FAT3: variants seen among roughly 807,000 people sequenced by gnomAD.
FAT3 encodes the protein FAT atypical cadherin 3.
Under a neutral mutation model 310.2 loss-of-function variants are expected in FAT3, and 95 were observed. The observed-to-expected ratio is 0.31, with a 90% CI of 0.26 to 0.36. The LOEUF (loss-of-function observed/expected upper bound fraction) is 0.36. Ranked by LOEUF, FAT3 falls within the 10% of genes least tolerant of loss-of-function variation. FAT3 has a pLI of 1.00. For synonymous variants in FAT3, 2,314 were observed against 2,192.9 expected (o/e 1.06, Z -1.54); for missense variants, 5,408 against 5,715.6 (o/e 0.95, Z 1.74).
chr11:92,612,363 A>AT (rs11418858), intron 3 of FAT3, among the ~76,000 whole-genome samples: 4,373 of 152,306 alleles, frequency 0.029, 229 homozygotes, highest in African/African-American at 0.099. Context: ...TTGCTGGTAG[A>AT]TTTTTTTCTC....
intron 19 of FAT3, among the ~76,000 whole-genome samples, chr11:92,854,748 G>A (rs1301150171): frequency 6.6e-6 from 1 of 152,134 alleles, no homozygotes; most frequent in African/African-American, 2.4e-5. Context: ...CTTTGGAACA[G>A]TGGCTTTTAA....
chr11:92,471,980 A>T, intron 2 of FAT3, among the ~76,000 whole-genome samples: 1 of 146,878 alleles, frequency 6.8e-6, no homozygotes, highest in East Asian at 2.0e-4. Flanking sequence ...TACATAATTT[A>T]TGTATGTATA....
intron 2 of FAT3, among the ~76,000 whole-genome samples, chr11:92,443,899 C>A (rs1305595237): frequency 6.6e-6 from 1 of 152,076 alleles, no homozygotes; most frequent in Non-Finnish European, 1.5e-5. Flanking sequence ...TCATCATTTA[C>A]AAAATGGCTT....
intron 9 of FAT3, among the ~76,000 whole-genome samples, chr11:92,794,051 A>G (rs1195014830): frequency 1.3e-5 from 2 of 152,180 alleles, no homozygotes; most frequent in African/African-American, 4.8e-5. Flanking sequence ...AAGAAAAGAC[A>G]TGAGTTCATA....
At chr11:92,519,997 G>A (rs1431480804) in intron 2 of FAT3, among the ~76,000 whole-genome samples, 1 of 152,032 alleles carries the variant, frequency 6.6e-6, no homozygotes, top group East Asian at 1.9e-4. Flanking sequence ...TATTATTCAA[G>A]AGTAATGGAA....
At chr11:92,674,902 G>A (rs903374159) in intron 3 of FAT3, among the ~76,000 whole-genome samples, 7 of 152,152 alleles carry the variant, frequency 4.6e-5, no homozygotes, top group Admixed American at 6.5e-5. Context: ...GAAGGAGCAC[G>A]ATAAATGAGT....
intron 25 of FAT3, among the ~76,000 whole-genome samples, chr11:92,887,780 G>A (rs1017707868): frequency 1.3e-5 from 2 of 152,274 alleles, no homozygotes; most frequent in African/African-American, 4.8e-5. Flanking sequence ...CTGAGCTGAG[G>A]AACCAGCTTC....
At chr11:92,556,015 C>T (rs188472463) in intron 3 of FAT3, among the ~76,000 whole-genome samples, 15 of 152,218 alleles carry the variant, frequency 9.9e-5, no homozygotes, top group African/African-American at 3.1e-4. Flanking sequence ...TTGTGGATTA[C>T]GGTGAGTGTT....
intron 2 of FAT3, among the ~76,000 whole-genome samples, chr11:92,457,923 A>C (rs1951537816): frequency 6.6e-6 from 1 of 152,222 alleles, no homozygotes; most frequent in East Asian, 1.9e-4. Flanking sequence ...CTCCATCTCA[A>C]AAAACAAAAT....
chr11:92,276,652 G>A (rs529797998), intron 1 of FAT3, among the ~76,000 whole-genome samples: 1 of 152,260 alleles, frequency 6.6e-6, no homozygotes, highest in East Asian at 1.9e-4. Context: ...AGTATGTATA[G>A]AGTAGACATA....
At position 92,835,049 on chromosome 11, in the gene FAT3, A is replaced by G. The variant is rs774871409; in HGVS notation, c.10051A>G (p.Ser3351Gly). 6.2e-7 allele frequency: 1 copy of G among 1,613,414 alleles called. No individual in the cohort carries two copies. The highest frequency in any genetic ancestry group is 1.7e-5 in the Admixed American group (1 of 59,968). ...FSQDVYSAVI[S>G]EDALVGDSVI... ...CCAAGACGTCTACAGTGCGGTTATC[A>G]GTGAAGACGCCTTGGTGGGAGACTC... Residue 3351 changes from serine to glycine, a missense_variant, in exon 15 of 28, where the codon AGT (serine) becomes GGT (glycine). Transcript: ENST00000525166.
At chr11:92,654,016 A>G (rs2135770300) in intron 3 of FAT3, among the ~76,000 whole-genome samples, 1 of 152,260 alleles carries the variant, frequency 6.6e-6, no homozygotes, top group Non-Finnish European at 1.5e-5. Flanking sequence ...CCCCATTATA[A>G]GGTATTGTTT....
intron 2 of FAT3, among the ~76,000 whole-genome samples, chr11:92,493,700 CTGAATCCTTTAGGA>C (rs1952671041): frequency 1.3e-5 from 2 of 152,212 alleles, no homozygotes; most frequent in South Asian, 4.1e-4. Flanking sequence ...TCAATCTGCT[CTGAATCCTTTAGGA>C]TGTGGCCTAG....
intron 1 of FAT3, among the ~76,000 whole-genome samples, chr11:92,327,654 CAT>C (rs1947799759): frequency 6.6e-6 from 1 of 152,314 alleles, no homozygotes; most frequent in East Asian, 1.9e-4. Context: ...TGACTCCACA[CAT>C]GTTTAAAACG....
chr11:92,686,751 A>T (rs183028469), intron 3 of FAT3, among the ~76,000 whole-genome samples: 1 of 152,240 alleles, frequency 6.6e-6, no homozygotes, highest in East Asian at 1.9e-4. Flanking sequence ...TGTATAAATT[A>T]TAGAGCAAAG....
In FAT3 at chr11:92,225,863, A is replaced by G. The variant is rs150077053; in HGVS notation, c.-18+689A>G. On this transcript the variant is annotated intron_variant, in intron 1 of 27. Coordinates refer to ENST00000525166, the MANE Select transcript of FAT3 (RefSeq NM_001367949.2). Reference sequence around the variant, plus strand: ...GTTGGGGACAGAGACTGTCCCTGCTATCTTGACAAGGAGAGGGAACCGGAA... The same window carrying G: ...GTTGGGGACAGAGACTGTCCCTGCTGTCTTGACAAGGAGAGGGAACCGGAA... Among the ~76,000 whole-genome samples, 162 of 152,228 alleles carry G rather than the reference A, an allele frequency of 1.1e-3. 1 individual carries two copies. The highest frequency in any genetic ancestry group is 3.8e-3 in the African/African-American group (157 of 41,550).
intron 3 of FAT3, among the ~76,000 whole-genome samples, chr11:92,688,602 T>A (rs1025534773): frequency 6.6e-6 from 1 of 152,134 alleles, no homozygotes; most frequent in African/African-American, 2.4e-5. Context: ...GAGTATTTTT[T>A]AAAACTCCCC....
At chr11:92,747,404 C>T (rs1045625040) in intron 4 of FAT3, among the ~76,000 whole-genome samples, 2 of 152,244 alleles carry the variant, frequency 1.3e-5, no homozygotes, top group Non-Finnish European at 2.9e-5. Flanking sequence ...TGTCCTGAGG[C>T]TGCACAGAGC....
intron 2 of FAT3, among the ~76,000 whole-genome samples, chr11:92,419,792 G>T (rs1267790859): frequency 6.6e-6 from 1 of 152,084 alleles, no homozygotes; most frequent in Non-Finnish European, 1.5e-5. Flanking sequence ...CTAGTGAGTC[G>T]ATTTCAGATG....
Sources: gnomAD v4.1 joint callset for allele counts (sites outside exome capture counted in the v4.1 genomes callset) on GRCh38, gnomAD v4.1.1 for gene constraint, MANE v1.5 for transcripts, NCBI Gene and HGNC (gene_info 2026-07-23, HGNC 2026-07-21) for gene names.